CADPS: variants seen among roughly 807,000 people sequenced by gnomAD.
CADPS encodes the protein calcium dependent secretion activator, also known as calcium-dependent secretion activator 1.
In CADPS, 57 loss-of-function variants were observed where a neutral mutation model predicts 167.3. That is an observed-to-expected ratio of 0.34 (90% CI 0.28 to 0.42). The LOEUF (loss-of-function observed/expected upper bound fraction) is 0.42. Among genes scored for constraint, CADPS ranks in the 20% least tolerant of loss-of-function variants. The pLI is 1.00. For synonymous variants in CADPS, 676 were observed against 635.3 expected (o/e 1.06, Z -0.96); for missense variants, 1,414 against 1,738.1 (o/e 0.81, Z 3.32).
Position 62,421,005 on chromosome 3 carries a change from A to G in CADPS, c.3777+17099T>C, listed in dbSNP as rs2051252225. ...GCACAAACCTCAGACCATTGTCCTT[A>G]TACAAGATACACATTCAACATGCTG... On this transcript the variant is annotated intron_variant, in intron 28 of 29. Coordinates refer to ENST00000383710, the MANE Select transcript of CADPS (RefSeq NM_003716.4). This position sits in a 1 kb window ranked among gnomAD's most constrained non-coding sequence, Gnocchi z 4.7. Among the ~76,000 whole-genome samples the G allele has an allele frequency of 6.6e-6, 1 of 152,084 alleles. No homozygotes were observed. Among genetic ancestry groups the G allele is most frequent in the South Asian group, 2.1e-4 (1 of 4,820 alleles).
chr3:62,491,307 A>G, intron 21 of CADPS, 32 bp downstream of exon 21: 1 of 1,609,110 alleles, frequency 6.2e-7, no homozygotes, highest in Non-Finnish European at 8.5e-7. Flanking sequence ...TTTGTACCCA[A>G]ACTCCGATGG....
intron 1 of CADPS, among the ~76,000 whole-genome samples, chr3:62,819,816 G>A (rs2094814398): frequency 6.6e-6 from 1 of 152,130 alleles, no homozygotes; most frequent in African/African-American, 2.4e-5. Context: ...AATAAGTACT[G>A]TCCTGTGATC....
At chr3:62,730,155 T>C (rs2077497352) in intron 3 of CADPS, among the ~76,000 whole-genome samples, 1 of 152,130 alleles carries the variant, frequency 6.6e-6, no homozygotes, top group Non-Finnish European at 1.5e-5. Flanking sequence ...GCCATTGAGA[T>C]GATGGGGTTG....
chr3:62,512,682 A>T, intron 17 of CADPS, 69 bp downstream of exon 17: 1 of 1,324,008 alleles, frequency 7.6e-7, no homozygotes, highest in Non-Finnish European at 1.1e-6. Context: ...AGCCATTGAA[A>T]AACAAAAACA....
At chr3:62,469,252 A>G (rs191090755) in intron 24 of CADPS, among the ~76,000 whole-genome samples, 3 of 152,286 alleles carry the variant, frequency 2.0e-5, no homozygotes, top group Admixed American at 2.0e-4. Context: ...TTTCCCTGAT[A>G]TATGAGACTT....
chr3:62,510,910 G>A (rs551053826), intron 17 of CADPS, among the ~76,000 whole-genome samples: 2 of 152,254 alleles, frequency 1.3e-5, no homozygotes, highest in East Asian at 1.9e-4. Context: ...ATTGAGACCT[G>A]ATATACTTAG....
chr3:62,753,912 C>A lies in CADPS; in HGVS notation c.556-139G>T. 1.4e-6 allele frequency: 1 copy of A among 724,124 alleles called. No homozygotes were observed. Among genetic ancestry groups the A allele is most frequent in the Non-Finnish European group, 2.3e-6 (1 of 438,660 alleles). The allele number at this position is 724,124 out of a possible 1,614,324, so 44.9% of individuals were successfully genotyped here. ...TGTGGGTCTCACCCTGCCCCACCAC[C>A]TCCTGGCTGTGCAAACTCAGAGTAG... On this transcript the variant is annotated intron_variant, in intron 2 of 29. Transcript: ENST00000383710. The surrounding 1 kb of genome is among the most constrained non-coding windows in gnomAD (Gnocchi z 4.6).
intron 28 of CADPS, among the ~76,000 whole-genome samples, chr3:62,435,794 T>A (rs2149710392): frequency 6.6e-6 from 1 of 152,184 alleles, no homozygotes; most frequent in East Asian, 1.9e-4. Flanking sequence ...TGGGACAACA[T>A]CAGACTAAAT....
intron 1 of CADPS, among the ~76,000 whole-genome samples, chr3:62,822,952 T>C (rs1182021447): frequency 6.6e-6 from 1 of 152,206 alleles, no homozygotes; most frequent in African/African-American, 2.4e-5. Context: ...AGTTTGCAGA[T>C]AAGGAACCTA....
intron 6 of CADPS, among the ~76,000 whole-genome samples, chr3:62,643,881 G>C (rs1413266346): frequency 6.6e-6 from 1 of 152,212 alleles, no homozygotes; most frequent in South Asian, 2.1e-4. Context: ...AAAACGATCA[G>C]ACCATTTGAG....
At chr3:62,552,625 C>T (rs904250024) in intron 10 of CADPS, among the ~76,000 whole-genome samples, 60 of 152,164 alleles carry the variant, frequency 3.9e-4, no homozygotes, top group African/African-American at 1.4e-3. Flanking sequence ...ATCTGTTTGA[C>T]ATTTGTCATT....
chr3:62,717,219 C>T (rs569589573), intron 3 of CADPS, among the ~76,000 whole-genome samples: 1 of 152,310 alleles, frequency 6.6e-6, no homozygotes, highest in African/African-American at 2.4e-5. Context: ...GATGAAATCA[C>T]ATCTGCTAGG....
chr3:62,611,905 C>T (rs1219339799), intron 6 of CADPS, among the ~76,000 whole-genome samples: 2 of 152,128 alleles, frequency 1.3e-5, no homozygotes, highest in African/African-American at 2.4e-5. Context: ...TATTGCCACC[C>T]GACATATGTT....
chr3:62,565,892 C>T (rs554278324), intron 9 of CADPS, among the ~76,000 whole-genome samples: 2 of 152,114 alleles, frequency 1.3e-5, no homozygotes, highest in South Asian at 2.1e-4. Flanking sequence ...AATTGTTACA[C>T]GTTATAAGCA....
chr3:62,696,378 C>G (rs2080280151), intron 3 of CADPS, among the ~76,000 whole-genome samples: 1 of 152,106 alleles, frequency 6.6e-6, no homozygotes, highest in African/African-American at 2.4e-5. Flanking sequence ...CTCCAGTTTG[C>G]CACACTGTCA....
chr3:62,646,313 C>T (rs1010288462), intron 5 of CADPS, among the ~76,000 whole-genome samples: 16 of 151,798 alleles, frequency 1.1e-4, no homozygotes, highest in African/African-American at 3.1e-4. Flanking sequence ...TACAGGTGCA[C>T]GCCACCATGC....
At chr3:62,586,796 A>G (rs1315071194) in intron 7 of CADPS, among the ~76,000 whole-genome samples, 1 of 152,236 alleles carries the variant, frequency 6.6e-6, no homozygotes, top group Non-Finnish European at 1.5e-5. Flanking sequence ...TTTATATTAC[A>G]TAAGTTTACT....
At chr3:62,785,421 A>C (rs2092322575) in intron 1 of CADPS, among the ~76,000 whole-genome samples, 1 of 152,154 alleles carries the variant, frequency 6.6e-6, no homozygotes, top group South Asian at 2.1e-4. Flanking sequence ...TTTGAATGTC[A>C]TACACCTTGA....
At chr3:62,685,266 T>A (rs1295474773) in intron 3 of CADPS, among the ~76,000 whole-genome samples, 1 of 151,950 alleles carries the variant, frequency 6.6e-6, no homozygotes, top group East Asian at 1.9e-4. Context: ...AATTTTGAGT[T>A]CCTAGCTGGC....
Sources: gnomAD v4.1 joint callset for allele counts (sites outside exome capture counted in the v4.1 genomes callset) on GRCh38, gnomAD v4.1.1 for gene constraint, Gnocchi (gnomAD v3.1) non-coding constraint, MANE v1.5 for transcripts, NCBI Gene and HGNC (gene_info 2026-07-23, HGNC 2026-07-21) for gene names.